Variants in NUP88 observed in about 807,000 individuals in gnomAD.
NUP88 encodes the protein nuclear pore complex protein Nup88.
Under a neutral mutation model 93.9 loss-of-function variants are expected in NUP88, and 57 were observed. The ratio of observed to expected loss-of-function variants is 0.61; its 90% CI spans 0.49 to 0.76. The LOEUF is 0.76. Ranked by LOEUF, NUP88 falls within the 30% of genes least tolerant of loss-of-function variation. NUP88 has a pLI of 0.00. For synonymous variants in NUP88, 346 were observed against 336.8 expected (o/e 1.03, Z -0.30); for missense variants, 911 against 901.0 (o/e 1.01, Z -0.14).
chr17:5,393,497 CAT>C (rs1912578240), intron 9 of NUP88, among the ~76,000 whole-genome samples: 1 of 144,386 alleles, frequency 6.9e-6, no homozygotes, highest in Non-Finnish European at 1.5e-5. Context: ...AGTGCAGTGG[CAT>C]GATCTCAGCT....
chr17:5,414,071 T>A lies in NUP88; in HGVS notation c.531A>T (p.Ala177=). Residue 177 remains alanine (A), a synonymous_variant, in exon 3 of 17, where the codon GCA becomes GCT. Coordinates refer to ENST00000573584, the MANE Select transcript of NUP88 (RefSeq NM_002532.6). ...SSTSLTLKHA[A]WYPSEILDPH... is the part of the protein sequence containing the mutation. ...GATCCAGGATTTCACTTGGATACCA[T>A]GCAGCATGCTTTAGAGTCAGAGAGG... The A allele has an allele frequency of 6.2e-7, 1 of 1,613,862 alleles. No homozygotes were observed.
Position 5,410,633 on chromosome 17 carries a change from T to C in NUP88, c.680+70A>G, listed in dbSNP as rs527648643. 5.5e-5 allele frequency: 51 copies of C among 932,518 alleles called. No individual in the cohort carries two copies. The East Asian group carries it at 6.1e-4, about 11-fold the overall frequency. 57.8% of individuals were successfully genotyped at this position (932,518 alleles called of 1,614,324 possible). On this transcript the variant is annotated intron_variant, in intron 4 of 16. Transcript: ENST00000573584. The stretch of plus-strand genomic sequence containing the variant: ...GTCACCTCTGAAAAACCTTGCAACC[T>C]GTTAAAATTGCATTTATAATCCCAA...
rs778248842 is a variant in NUP88 at position 5,386,293 on chromosome 17, CTT to C, written c.2163-26_2163-25del. ...CCCTGTAAAATTGTAAAGTCACTCA[CTT>C]TTGGAATTATAATAAACCATTTATA... On this transcript the variant is annotated intron_variant, in intron 16 of 16. Coordinates refer to ENST00000573584, the MANE Select transcript of NUP88 (RefSeq NM_002532.6). The C allele has an allele frequency of 2.6e-5, 41 of 1,554,964 alleles. No homozygotes were observed. The South Asian group carries it at 4.2e-4, about 16-fold the overall frequency.
At chr17:5,400,180 G>A (rs1256477886) in intron 7 of NUP88, among the ~76,000 whole-genome samples, 1 of 134,474 alleles carries the variant, frequency 7.4e-6, no homozygotes, top group Non-Finnish European at 1.6e-5. Context: ...ACAATAAAAT[G>A]AGGAGGTATG....
chr17:5,413,742 C>T (rs1439744112), intron 3 of NUP88, among the ~76,000 whole-genome samples: 1 of 151,988 alleles, frequency 6.6e-6, no homozygotes, highest in Non-Finnish European at 1.5e-5. Context: ...AAAAGGGTGA[C>T]AATGATGAAA....
At chr17:5,410,580 T>C in intron 4 of NUP88, 123 bp downstream of exon 4, 1 of 648,328 alleles carries the variant, frequency 1.5e-6, no homozygotes, top group East Asian at 2.7e-5. Flanking sequence ...AAAATACACT[T>C]ACTTCTCACA....
In NUP88 at chr17:5,385,440, ACAGT is replaced by A; in HGVS notation, c.*762_*765del. On this transcript the variant is annotated 3_prime_UTR_variant, in exon 17 of 17. Coordinates refer to ENST00000573584, the MANE Select transcript of NUP88 (RefSeq NM_002532.6). The stretch of plus-strand genomic sequence containing the variant: ...TACCTTATCATGTGGCTTTTAATTG[ACAGT>A]CACTCAGCCATTTCTAAGCAGATAT... The A allele has an allele frequency of 4.3e-6, 1 of 230,090 alleles. No homozygotes were observed. The allele number at this position is 230,090 out of a possible 1,614,324, so 14.3% of individuals were successfully genotyped here.
intron 8 of NUP88, among the ~76,000 whole-genome samples, chr17:5,398,101 CAG>C (rs1258615771): frequency 1.3e-5 from 2 of 150,236 alleles, no homozygotes; most frequent in African/African-American, 4.9e-5. Context: ...TTAGTAGAGA[CAG>C]GGTTTCACCA....
rs1420244743 is a variant in NUP88, at chr17:5,391,545, A to T, written c.1484+16T>A. 3 of 1,594,286 alleles carry T rather than the reference A, an allele frequency of 1.9e-6. No individual in the cohort carries two copies. Among genetic ancestry groups the T allele is most frequent in the Admixed American group, 3.3e-5 (2 of 59,974 alleles). On this transcript the variant is annotated intron_variant, in intron 10 of 16. Coordinates refer to ENST00000573584, the MANE Select transcript of NUP88 (RefSeq NM_002532.6). ...AATTAACAAGAGCTGTGTGGAGAAT[A>T]TAAAATGGGACGTACAATAACGGCC... is the stretch of plus-strand genomic sequence containing the variant.
At chr17:5,390,888 G>C (rs922355266) in intron 10 of NUP88, among the ~76,000 whole-genome samples, 1 of 151,976 alleles carries the variant, frequency 6.6e-6, no homozygotes, top group Non-Finnish European at 1.5e-5. Flanking sequence ...AGAGATGGGG[G>C]TCTCACTGTT....
intron 16 of NUP88, 46 bp downstream of exon 16, chr17:5,386,661 AG>A: frequency 7.9e-7 from 1 of 1,267,652 alleles, no homozygotes; most frequent in African/African-American, 1.5e-5. Flanking sequence ...CATACTGTAA[AG>A]GAAAAACTAT....
intron 3 of NUP88, among the ~76,000 whole-genome samples, chr17:5,412,423 T>G (rs546536275): frequency 6.6e-6 from 1 of 152,240 alleles, no homozygotes; most frequent in African/African-American, 2.4e-5. Context: ...AGTAGCTGTC[T>G]CAGTTATAAG....
intron 8 of NUP88, among the ~76,000 whole-genome samples, chr17:5,398,042 G>T (rs146288226): frequency 0.023 from 3,463 of 151,680 alleles, 55 homozygotes; most frequent in Admixed American, 0.04. Flanking sequence ...GAGTAGCTGG[G>T]ATTACAGGCA....
chr17:5,397,538 T>C lies in NUP88; in HGVS notation c.1291+2014A>G, dbSNP rs546548412. Among the ~76,000 whole-genome samples, 13 of 151,986 alleles carry C rather than the reference T, an allele frequency of 8.6e-5. 1 individual carries two copies. The highest frequency in any genetic ancestry group is 2.0e-4 in the Admixed American group (3 of 15,256). On this transcript the variant is annotated intron_variant, in intron 8 of 16. Coordinates refer to ENST00000573584, the MANE Select transcript of NUP88 (RefSeq NM_002532.6). The stretch of plus-strand genomic sequence containing the variant: ...GAATGTGGCAGGAGCTGAAAAAGGG[T>C]AGGAAATGCATTCTACCCTAGAGCT...
chr17:5,414,229 C>G, intron 2 of NUP88, 95 bp from the exon 3 acceptor site: 2 of 1,126,080 alleles, frequency 1.8e-6, no homozygotes, highest in Non-Finnish European at 2.5e-6. Context: ...GAGTTTCTCT[C>G]TTGTTGCCCA....
chr17:5,401,011 A>G (rs1913126239), intron 7 of NUP88, among the ~76,000 whole-genome samples: 1 of 152,178 alleles, frequency 6.6e-6, no homozygotes, highest in East Asian at 1.9e-4. Context: ...CCTGAGACTA[A>G]AAGATAAACT....
intron 7 of NUP88, among the ~76,000 whole-genome samples, chr17:5,402,855 G>A (rs527570648): frequency 1.4e-4 from 21 of 152,128 alleles, no homozygotes; most frequent in Admixed American, 2.6e-4. Flanking sequence ...AAAATTAGGC[G>A]TGGTGGTGCA....
chr17:5,403,243 C>A (rs930232381), intron 7 of NUP88, among the ~76,000 whole-genome samples: 1 of 151,700 alleles, frequency 6.6e-6, no homozygotes, highest in Admixed American at 6.6e-5. Context: ...TTTGTGAGGT[C>A]GAGGTGGGCG....
chr17:5,405,382 T>C (rs568123005), intron 5 of NUP88, 139 bp from the exon 6 acceptor site: 227 of 701,592 alleles, frequency 3.2e-4, no homozygotes, highest in Non-Finnish European at 1.8e-4. Flanking sequence ...CTCCATCTTC[T>C]CGCTTTCCCA....
Sources: gnomAD v4.1 joint callset for allele counts (sites outside exome capture counted in the v4.1 genomes callset) on GRCh38, gnomAD v4.1.1 for gene constraint, MANE v1.5 for transcripts, NCBI Gene and HGNC (gene_info 2026-07-23, HGNC 2026-07-21) for gene names.